Variants in HMCN2 observed in about 807,000 individuals in gnomAD.
The protein encoded by HMCN2 is hemicentin 2.
In HMCN2, 325 loss-of-function variants were observed where a neutral mutation model predicts 377.5. The ratio of observed to expected loss-of-function variants is 0.86; its 90% CI spans 0.79 to 0.94. The LOEUF is 0.94. Ranked by LOEUF, HMCN2 falls within the 40% of genes least tolerant of loss-of-function variation. HMCN2 has a pLI of 0.00. For missense variants in HMCN2, 4,543 were observed against 4,725.3 expected, an observed-to-expected ratio of 0.96 and a Z score of 1.13; for synonymous variants, 2,007 against 2,046.8, an observed-to-expected ratio of 0.98 and a Z score of 0.53.
intron 19 of HMCN2, among the ~76,000 whole-genome samples, chr9:130,325,123 T>C (rs1838066672): frequency 7.5e-6 from 1 of 132,990 alleles, no homozygotes; most frequent in South Asian, 2.4e-4. Context: ...TAGACAAGAG[T>C]CTCACTATGT....
chr9:130,422,848 A>C lies in HMCN2; in HGVS notation c.13381+122A>C, dbSNP rs1588438307. On this transcript the variant is annotated intron_variant, in intron 87 of 97. Transcript: ENST00000683500. The surrounding 1 kb of genome is among the most constrained non-coding windows in gnomAD (Gnocchi z 4.2). ...TGCCCCGAGACTTGCTCAAGGCCTG[A>C]TGACCAGAGCACGTCTGACCATCTC... The C allele has an allele frequency of 2.5e-6, 2 of 792,706 alleles. No individual in the cohort carries two copies. The highest frequency in any genetic ancestry group is 1.7e-6 in the Non-Finnish European group (1 of 584,524). 49.1% of individuals were successfully genotyped at this position (792,706 alleles called of 1,614,324 possible).
Position 130,430,601 on chromosome 9 carries a change from A to G in HMCN2, c.14644A>G (p.Thr4882Ala). The G allele has an allele frequency of 1.3e-6, 2 of 1,548,756 alleles. No individual in the cohort carries two copies. The highest frequency in any genetic ancestry group is 1.7e-6 in the Non-Finnish European group (2 of 1,145,882). ...TTTCATCAGGCAGAACGGAGTCTGC[A>G]CAGGTAAGGCCAGGCCCTGACCATC... The part of the protein sequence containing the change: ...PGFIRQNGVC[T>A]DLDECRVRNL... The change falls in exon 95 of 98, where the codon ACA (threonine) becomes GCA (alanine). Residue 4882 changes from threonine to alanine, a missense_variant. This residue lies in a region of HMCN2 where 1,155 missense variants were observed against 1,157.7 expected (regional missense o/e 1.00). Transcript: ENST00000683500.
intron 95 of HMCN2, 120 bp from the exon 96 acceptor site, chr9:130,431,247 G>C: frequency 2.9e-6 from 3 of 1,031,864 alleles, no homozygotes; most frequent in Non-Finnish European, 4.2e-6. Context: ...GCAGGACAGG[G>C]AGAAGGAGCA....
chr9:130,278,769 C>T (rs868964730), intron 1 of HMCN2, among the ~76,000 whole-genome samples: 1 of 150,730 alleles, frequency 6.6e-6, no homozygotes, highest in Non-Finnish European at 1.5e-5. Context: ...TTAGTAGAGA[C>T]GGGGTTTCTC....
Position 130,395,916 on chromosome 9 carries a change from C to T in HMCN2, c.10912-8C>T. ...TAAGGGTCTGTCCACCCTGGCGGGG[C>T]TCTCCAGGAGGACGCCCACACACAA... On this transcript the variant is annotated splice_region_variant and splice_polypyrimidine_tract_variant and intron_variant, in intron 71 of 97. Coordinates refer to ENST00000683500, the MANE Select transcript of HMCN2 (RefSeq NM_001291815.2). 1 of 1,285,622 alleles carries T rather than the reference C, an allele frequency of 7.8e-7. No individual in the cohort carries two copies. Among genetic ancestry groups the T allele is most frequent in the Non-Finnish European group, 1.0e-6 (1 of 987,536 alleles). 79.6% of individuals were successfully genotyped at this position (1,285,622 alleles called of 1,614,324 possible).
chr9:130,281,597 CAA>C (rs34694457), intron 1 of HMCN2, among the ~76,000 whole-genome samples: 5 of 148,224 alleles, frequency 3.4e-5, no homozygotes, highest in East Asian at 2.0e-4. Context: ...GACTCAGTCT[CAA>C]AAAAAAAAAG....
In HMCN2 at chr9:130,408,851, G is replaced by A. The variant is rs1432690119; in HGVS notation, c.12797G>A (p.Trp4266Ter). The A allele has an allele frequency of 7.8e-6, 10 of 1,289,678 alleles. No homozygotes were observed. Among genetic ancestry groups the A allele is most frequent in the Non-Finnish European group, 2.0e-6 (2 of 988,882 alleles). 79.9% of individuals were successfully genotyped at this position (1,289,678 alleles called of 1,614,324 possible). ...GGAGACCCAGTGCCGGACATCCACTGGATCAAAGATGGCCTTCCACTGCGG... is the reference window on the plus strand; with the variant it reads ...GGAGACCCAGTGCCGGACATCCACTAGATCAAAGATGGCCTTCCACTGCGG... ...VRGDPVPDIH[W>*]IKDGLPLRGS... is the part of the protein sequence containing the mutation. The change falls in exon 84 of 98, where the codon TGG becomes TAG. Residue 4266 changes from tryptophan (W) to a stop codon, truncating the protein, a stop_gained. Coordinates refer to ENST00000683500, the MANE Select transcript of HMCN2 (RefSeq NM_001291815.2). LOFTEE classifies it high-confidence loss of function.
At position 130,422,299 on chromosome 9, in the gene HMCN2, G is replaced by A. The variant is rs1844064021; in HGVS notation, c.13232-278G>A. Among the ~76,000 whole-genome samples the A allele has an allele frequency of 6.6e-6, 1 of 152,218 alleles. No homozygotes were observed. ...GAGCCAACTCAGGTGTGGCTTGGGG[G>A]CCTGAGGTGGCCAGGTTTTAAGGAA... On this transcript the variant is annotated intron_variant, in intron 86 of 97. Coordinates refer to ENST00000683500, the MANE Select transcript of HMCN2 (RefSeq NM_001291815.2). The surrounding 1 kb of genome is among the most constrained non-coding windows in gnomAD (Gnocchi z 4.2).
At chr9:130,289,330 G>A (rs1014890155) in intron 4 of HMCN2, among the ~76,000 whole-genome samples, 2 of 152,148 alleles carry the variant, frequency 1.3e-5, no homozygotes, top group African/African-American at 2.4e-5. Context: ...CAGTAAGGGC[G>A]GGCGGAAGAT....
chr9:130,429,692 G>T lies in HMCN2; in HGVS notation c.14326+7G>T, dbSNP rs917357455. 2.1e-5 allele frequency: 28 copies of T among 1,338,454 alleles called. No homozygotes were observed. Among genetic ancestry groups the T allele is most frequent in the Non-Finnish European group, 2.6e-5 (26 of 1,000,208 alleles). 82.9% of individuals were successfully genotyped at this position (1,338,454 alleles called of 1,614,324 possible). A position where few individuals can be genotyped will look rare whatever the true frequency, so the allele number is the denominator to read the frequency against. On this transcript the variant is annotated splice_region_variant and intron_variant, in intron 94 of 97. Coordinates refer to ENST00000683500, the MANE Select transcript of HMCN2 (RefSeq NM_001291815.2). ...CCCAGCCTGCCCTGCCTAGGTACGG[G>T]GACACCCACCCTCTGGCCACACCGC...
chr9:130,362,019 A>G lies in HMCN2; in HGVS notation c.5962A>G (p.Ile1988Val). 1.0e-6 allele frequency: 1 copy of G among 986,046 alleles called. No individual in the cohort carries two copies. Among genetic ancestry groups the G allele is most frequent in the Non-Finnish European group, 1.2e-6 (1 of 830,092 alleles). 61.1% of individuals were successfully genotyped at this position (986,046 alleles called of 1,614,324 possible). A position where few individuals can be genotyped will look rare whatever the true frequency, so the allele number is the denominator to read the frequency against. The change falls in exon 39 of 98, where the codon ATC (isoleucine) becomes GTC (valine). Residue 1988 changes from isoleucine (I) to valine (V), a missense_variant. By Grantham distance (29) the Ile-to-Val change is conservative. Around this residue, in one of 5 missense-constraint regions of HMCN2, gnomAD observed 1,032 missense variants for 1,285.1 expected, o/e 0.80. Transcript: ENST00000683500. The part of the protein sequence containing the change: ...YGLRVNVPPR[I>V]TLPPSLPGPV... ...CCCCTGCCCTGCAGTGCCCCCTCGAATCACACTGCCACCCAGCCTGCCAGG... is the reference window on the plus strand; with the variant it reads ...CCCCTGCCCTGCAGTGCCCCCTCGAGTCACACTGCCACCCAGCCTGCCAGG...
chr9:130,358,371 T>G lies in HMCN2; in HGVS notation c.5581-19T>G, dbSNP rs1476148816. On this transcript the variant is annotated intron_variant, in intron 35 of 97. Coordinates refer to ENST00000683500, the MANE Select transcript of HMCN2 (RefSeq NM_001291815.2). ...ACTTGGACAGCCCTGTGGCATACTC[T>G]CTGCCCCCTCCCCTCCAGATTGAGA... is the stretch of plus-strand genomic sequence containing the variant. The G allele has an allele frequency of 1.5e-6, 2 of 1,304,168 alleles. No individual in the cohort carries two copies. 80.8% of individuals were successfully genotyped at this position (1,304,168 alleles called of 1,614,324 possible). A position where few individuals can be genotyped will look rare whatever the true frequency, so the allele number is the denominator to read the frequency against.
intron 1 of HMCN2, among the ~76,000 whole-genome samples, chr9:130,277,556 A>C (rs1834761268): frequency 6.6e-6 from 1 of 152,182 alleles, no homozygotes; most frequent in African/African-American, 2.4e-5. Context: ...CTCATCTATA[A>C]AATGAGGATA....
rs1332927217 is a variant in HMCN2, at chr9:130,308,055, C to T, written c.2200+489C>T. Among the ~76,000 whole-genome samples the T allele has an allele frequency of 6.6e-6, 1 of 152,064 alleles. No individual in the cohort carries two copies. Among genetic ancestry groups the T allele is most frequent in the South Asian group, 2.1e-4 (1 of 4,828 alleles). On this transcript the variant is annotated intron_variant, in intron 14 of 97. Transcript: ENST00000683500. The surrounding 1 kb of genome is among the most constrained non-coding windows in gnomAD (Gnocchi z 4.1). ...CACTGCAGCCTCCACCTCCTGGGTT[C>T]AAGGGATTCTCGTGCCTCAGCCTCT...
In HMCN2 at chr9:130,405,006, G is replaced by A. The variant is rs757948360; in HGVS notation, c.12286G>A (p.Glu4096Lys). ...AGATGGCCAGCCTGTGTCGGGCGCCGAGGGGAAGTTCACCATCCAGCCTTC... is the reference window on the plus strand; with the variant it reads ...AGATGGCCAGCCTGTGTCGGGCGCCAAGGGGAAGTTCACCATCCAGCCTTC... ...DKDGQPVSGAEGKFTIQPSGE... is the reference protein window; with the variant it reads ...DKDGQPVSGAKGKFTIQPSGE... Residue 4096 changes from glutamate to lysine, a missense_variant, in exon 81 of 98, where the codon GAG (glutamate) becomes AAG (lysine). This residue lies in a region of HMCN2 where 1,073 missense variants were observed against 1,319.5 expected (regional missense o/e 0.81). Coordinates refer to ENST00000683500, the MANE Select transcript of HMCN2 (RefSeq NM_001291815.2). The A allele has an allele frequency of 3.9e-6, 5 of 1,289,574 alleles. No individual in the cohort carries two copies. The highest frequency in any genetic ancestry group is 1.5e-5 in the African/African-American group (1 of 65,886). The allele number at this position is 1,289,574 out of a possible 1,614,324, so 79.9% of individuals were successfully genotyped here.
At chr9:130,331,835 A>G (rs1338904776) in intron 22 of HMCN2, among the ~76,000 whole-genome samples, 1 of 152,208 alleles carries the variant, frequency 6.6e-6, no homozygotes, top group African/African-American at 2.4e-5. Flanking sequence ...GCCGGCCAGC[A>G]TTCCACACAG....
At chr9:130,432,741 A>C in intron 97 of HMCN2, 186 bp downstream of exon 97, 1 of 621,048 alleles carries the variant, frequency 1.6e-6, no homozygotes, top group Non-Finnish European at 2.8e-6. Flanking sequence ...CACACACCAA[A>C]CCCCAGACAC....
At chr9:130,317,467 A>ATCTCTCTCTCTCTCTCTC (rs1177875902) in intron 15 of HMCN2, among the ~76,000 whole-genome samples, 6 of 123,456 alleles carry the variant, frequency 4.9e-5, no homozygotes, top group Non-Finnish European at 6.8e-5. Flanking sequence ...AGACCCCACC[A>ATCTCTCTCTCTCTCTCTC]TCTCTCTCTC....
Position 130,375,631 on chromosome 9 carries a change from C to T in HMCN2, c.7699C>T (p.Pro2567Ser), listed in dbSNP as rs1841332884. Residue 2567 changes from proline (P) to serine (S), a missense_variant, in exon 50 of 98, where the codon CCC becomes TCC. By Grantham distance (74) the Pro-to-Ser change is moderately conservative. Transcript: ENST00000683500. ...DEEVTVTVNN[P>S]ISLICEALAF... Reference sequence around the variant, plus strand: ...GGAGGTGACCGTGACTGTCAACAACCCCATCTCTCTGATCTGCGAGGCCCT... The same window carrying T: ...GGAGGTGACCGTGACTGTCAACAACTCCATCTCTCTGATCTGCGAGGCCCT... 1.0e-6 allele frequency: 1 copy of T among 985,778 alleles called. No individual in the cohort carries two copies. The highest frequency in any genetic ancestry group is 1.2e-6 in the Non-Finnish European group (1 of 829,982). 61.1% of individuals were successfully genotyped at this position (985,778 alleles called of 1,614,324 possible).
Sources: allele counts gnomAD v4.1 joint callset (sites outside exome capture counted in the v4.1 genomes callset), GRCh38; gene constraint gnomAD v4.1.1; regional missense constraint gnomAD v4.1.1; non-coding constraint Gnocchi (gnomAD v3.1); transcripts MANE v1.5; gene names NCBI Gene and HGNC (gene_info 2026-07-23, HGNC 2026-07-21).